SFPQ: variants seen among roughly 807,000 people sequenced by gnomAD.
SFPQ encodes splicing factor proline and glutamine rich.
SFPQ carries 11 observed loss-of-function variants against 72.9 expected under a neutral mutation model. The observed-to-expected ratio is 0.15, with a 90% CI of 0.09 to 0.25. The LOEUF is 0.25. Among genes scored for constraint, SFPQ ranks in the 10% least tolerant of loss-of-function variants. The pLI is 1.00. For synonymous variants in SFPQ, 506 were observed against 367.3 expected (o/e 1.38, Z -4.32); for missense variants, 847 against 993.3 (o/e 0.85, Z 1.98).
Position 35,183,654 on chromosome 1 carries a change from G to C in SFPQ, c.*802C>G, listed in dbSNP as rs1056878093. 4.8e-6 allele frequency: 5 copies of C among 1,037,838 alleles called. No individual in the cohort carries two copies. Among genetic ancestry groups the C allele is most frequent in the Admixed American group, 5.6e-5 (1 of 17,764 alleles). 64.3% of individuals were successfully genotyped at this position (1,037,838 alleles called of 1,614,324 possible). A position where few individuals can be genotyped will look rare whatever the true frequency, so the allele number is the denominator to read the frequency against. On this transcript the variant is annotated 3_prime_UTR_variant, in exon 10 of 10. Transcript: ENST00000357214. ...AAAAGTTCAATACAAGCCATTTATA[G>C]GGCTTGAGATTTGTTGGTCTTTTAA...
In SFPQ at chr1:35,184,209, T is replaced by A. The variant is rs1570116837; in HGVS notation, c.*247A>T. The A allele has an allele frequency of 8.1e-7, 1 of 1,235,554 alleles. No individual in the cohort carries two copies. The highest frequency in any genetic ancestry group is 1.6e-5 in the African/African-American group (1 of 62,954). 76.5% of individuals were successfully genotyped at this position (1,235,554 alleles called of 1,614,324 possible). A position where few individuals can be genotyped will look rare whatever the true frequency, so the allele number is the denominator to read the frequency against. ...TTCAGTGGCACAAGGTACACTGCCATAAACTTGAGGGACATTATACAGTAA... is the reference window on the plus strand; with the variant it reads ...TTCAGTGGCACAAGGTACACTGCCAAAAACTTGAGGGACATTATACAGTAA... On this transcript the variant is annotated 3_prime_UTR_variant, in exon 10 of 10. Transcript: ENST00000357214.
downstream of SFPQ, chr1:35,179,403 T>C: frequency 1.9e-6 from 2 of 1,056,822 alleles, no homozygotes; most frequent in East Asian, 5.2e-5. Context: ...CACCGGTATC[T>C]GTTCCAAGGG....
rs754019584 is a variant in SFPQ at position 35,184,463 on chromosome 1, C to T, written c.2117G>A (p.Arg706Gln). The part of the protein sequence containing the change: ...EEYEGPNKKP[R>Q]F ...AAAGCCTAAATATCACATCTAAAAT[C>T]GGGGTTTTTTGTTTGGGCCTTCGTA... Residue 706 changes from arginine (R) to glutamine (Q), a missense_variant, in exon 10 of 10, where the codon CGA (arginine) becomes CAA (glutamine). Physicochemically the swap from Arg to Gln is conservative, Grantham distance 43. Transcript: ENST00000357214. The T allele has an allele frequency of 6.2e-7, 1 of 1,607,834 alleles. No homozygotes were observed. Among genetic ancestry groups the T allele is most frequent in the African/African-American group, 1.3e-5 (1 of 74,574 alleles).
At chr1:35,192,189 G>C in intron 1 of SFPQ, 33 bp downstream of exon 1, 1 of 1,371,542 alleles carries the variant, frequency 7.3e-7, no homozygotes, top group Middle Eastern at 2.6e-4. Context: ...GCCATCTTAG[G>C]GGAGCCGACG....
rs1639610464 is a variant in SFPQ, at chr1:35,184,313, A to T, written c.*143T>A. ...CTGCATTACATAATTTTACCTGCCC[A>T]AACAGACCATTTACAAATATTAGGT... On this transcript the variant is annotated 3_prime_UTR_variant, in exon 10 of 10. Coordinates refer to ENST00000357214, the MANE Select transcript of SFPQ (RefSeq NM_005066.3). 6.8e-7 allele frequency: 1 copy of T among 1,475,280 alleles called. No homozygotes were observed. Among genetic ancestry groups the T allele is most frequent in the Non-Finnish European group, 8.9e-7 (1 of 1,121,506 alleles). The allele number at this position is 1,475,280 out of a possible 1,614,324, so 91.4% of individuals were successfully genotyped here.
Position 35,184,095 on chromosome 1 carries a change from T to C in SFPQ, c.*361A>G. 8.9e-7 allele frequency: 1 copy of C among 1,118,318 alleles called. No homozygotes were observed. The highest frequency in any genetic ancestry group is 5.1e-5 in the East Asian group (1 of 19,782). The allele number at this position is 1,118,318 out of a possible 1,614,324, so 69.3% of individuals were successfully genotyped here. On this transcript the variant is annotated 3_prime_UTR_variant, in exon 10 of 10. Coordinates refer to ENST00000357214, the MANE Select transcript of SFPQ (RefSeq NM_005066.3). ...ACGTAGCCTAATATGCATAGAAGCATGAATGGCAAAGTTGAAGATCAATAT... is the reference window on the plus strand; with the variant it reads ...ACGTAGCCTAATATGCATAGAAGCACGAATGGCAAAGTTGAAGATCAATAT...
chr1:35,183,099 G>C lies in SFPQ; in HGVS notation c.*1357C>G, dbSNP rs1639538482. 9.7e-7 allele frequency: 1 copy of C among 1,028,630 alleles called. No individual in the cohort carries two copies. The allele number at this position is 1,028,630 out of a possible 1,614,324, so 63.7% of individuals were successfully genotyped here. A position where few individuals can be genotyped will look rare whatever the true frequency, so the allele number is the denominator to read the frequency against. ...CCCTATTTGTTAACAATCACCACTA[G>C]CTCTTAGAAGAGAACCAATAGATTT... On this transcript the variant is annotated 3_prime_UTR_variant, in exon 10 of 10. Coordinates refer to ENST00000357214, the MANE Select transcript of SFPQ (RefSeq NM_005066.3).
At position 35,192,302 on chromosome 1, in the gene SFPQ, G is replaced by C; in HGVS notation, c.748C>G (p.Pro250Ala). 6.9e-7 allele frequency: 1 copy of C among 1,451,044 alleles called. No homozygotes were observed. 89.9% of individuals were successfully genotyped at this position (1,451,044 alleles called of 1,614,324 possible). The change falls in exon 1 of 10, where the codon CCC becomes GCC. Residue 250 changes from proline (P) to alanine (A), a missense_variant. Transcript: ENST00000357214. ...EPRGGRQHHP[P>A]YHQQHHQGPP... ...CCCTGGTGATGCTGCTGGTGGTAGG[G>C]CGGGTGGTGCTGGCGGCCCCCGCGG... is the stretch of plus-strand genomic sequence containing the variant.
In SFPQ at chr1:35,184,320, C is replaced by A; in HGVS notation, c.*136G>T. 1.3e-6 allele frequency: 2 copies of A among 1,485,640 alleles called. No homozygotes were observed. The highest frequency in any genetic ancestry group is 1.8e-6 in the Non-Finnish European group (2 of 1,126,362). 92.0% of individuals were successfully genotyped at this position (1,485,640 alleles called of 1,614,324 possible). A position where few individuals can be genotyped will look rare whatever the true frequency, so the allele number is the denominator to read the frequency against. On this transcript the variant is annotated 3_prime_UTR_variant, in exon 10 of 10. Transcript: ENST00000357214. Reference sequence around the variant, plus strand: ...ACATAATTTTACCTGCCCAAACAGACCATTTACAAATATTAGGTCAATAAA... The same window carrying A: ...ACATAATTTTACCTGCCCAAACAGAACATTTACAAATATTAGGTCAATAAA...
At chr1:35,187,456 A>G (rs775222318) in intron 7 of SFPQ, among the ~76,000 whole-genome samples, 1 of 152,220 alleles carries the variant, frequency 6.6e-6, no homozygotes, top group Admixed American at 6.5e-5. Flanking sequence ...CAAGGCCGGG[A>G]GCAGTGGCTC....
At chr1:35,176,609 C>G (rs1639247520) in intron 5 of SFPQ, 1 of 152,194 alleles carries the variant, frequency 6.6e-6, no homozygotes, top group Non-Finnish European at 1.5e-5. Context: ...GTGGCTCACG[C>G]CTGCAATCCC....
intron 2 of SFPQ, 25 bp from the exon 3 acceptor site, chr1:35,191,020 A>T: frequency 6.3e-7 from 1 of 1,591,458 alleles, no homozygotes; most frequent in Non-Finnish European, 8.6e-7. Flanking sequence ...CACTCATGTT[A>T]ATGACCTCAA....
At chr1:35,181,305 C>CA, downstream of SFPQ, 1 of 1,065,574 alleles carries the variant, frequency 9.4e-7, no homozygotes, top group Non-Finnish European at 1.1e-6. Flanking sequence ...AATTGCAGTC[C>CA]AAGAACACCA....
rs189040885 is a variant in SFPQ at position 35,187,225 on chromosome 1, G to A, written c.1842C>T (p.Gly614=). 9.9e-6 allele frequency: 16 copies of A among 1,613,856 alleles called. No individual in the cohort carries two copies. The highest frequency in any genetic ancestry group is 9.3e-5 in the African/African-American group (7 of 74,928). Reference sequence around the variant, plus strand: ...TACCTCCCATGTTCATTGCTCCTCCGCCACCCATTCGCATGTCTCTTTCCC... The same window carrying A: ...TACCTCCCATGTTCATTGCTCCTCCACCACCCATTCGCATGTCTCTTTCCC... The part of the protein sequence containing the change: ...DPRERDMRMG[G]GGAMNMGDPY... Residue 614 remains glycine (G), a synonymous_variant, in exon 8 of 10, where the codon GGC becomes GGT. Transcript: ENST00000357214.
chr1:35,192,210 A>G lies in SFPQ; in HGVS notation c.828+12T>C, dbSNP rs1640047523. The G allele has an allele frequency of 1.4e-6, 2 of 1,384,050 alleles. No individual in the cohort carries two copies. The highest frequency in any genetic ancestry group is 9.2e-5 in the East Asian group (1 of 10,820). The allele number at this position is 1,384,050 out of a possible 1,614,324, so 85.7% of individuals were successfully genotyped here. A position where few individuals can be genotyped will look rare whatever the true frequency, so the allele number is the denominator to read the frequency against. On this transcript the variant is annotated intron_variant, in intron 1 of 9. Coordinates refer to ENST00000357214, the MANE Select transcript of SFPQ (RefSeq NM_005066.3). ...TTAGGGGAGCCGACGCGTCGCTCCC[A>G]TAGACACTCACCTCCGAGTCCGAGA... is the stretch of plus-strand genomic sequence containing the variant.
At chr1:35,178,335 T>C, downstream of SFPQ, 1 of 1,075,164 alleles carries the variant, frequency 9.3e-7, no homozygotes, top group South Asian at 4.0e-5. Context: ...AAATATACTA[T>C]CCCTTATGTG....
chr1:35,188,368 T>C (rs1639829400), intron 6 of SFPQ, among the ~76,000 whole-genome samples: 1 of 152,236 alleles, frequency 6.6e-6, no homozygotes, highest in Admixed American at 6.5e-5. Context: ...AGTACATCTT[T>C]TCCCTAAATG....
chr1:35,179,084 A>G, downstream of SFPQ: 1 of 1,057,132 alleles, frequency 9.5e-7, no homozygotes, highest in Non-Finnish European at 1.1e-6. Context: ...TGAGAACTGC[A>G]CTAGCTGACA....
downstream of SFPQ, chr1:35,181,842 G>C: frequency 4.1e-6 from 4 of 984,748 alleles, no homozygotes; most frequent in Non-Finnish European, 4.8e-6. Flanking sequence ...ATACATTGAA[G>C]ACTTATTGAA....
Sources: allele counts gnomAD v4.1 joint callset (sites outside exome capture counted in the v4.1 genomes callset), GRCh38; gene constraint gnomAD v4.1.1; transcripts MANE v1.5; gene names NCBI Gene and HGNC (gene_info 2026-07-23, HGNC 2026-07-21).